The following OTOGL variants were observed in gnomAD, a reference collection of about 807,000 sequenced individuals.
OTOGL encodes otogelin like, also known as otogelin-like protein.
OTOGL carries 285 observed loss-of-function variants against 318.5 expected under a neutral mutation model. The ratio of observed to expected loss-of-function variants is 0.89; its 90% CI spans 0.81 to 0.99. The LOEUF (loss-of-function observed/expected upper bound fraction) is 0.99, where lower values mean the gene tolerates loss of function less well. Ranked by LOEUF, OTOGL falls within the 50% of genes least tolerant of loss-of-function variation. The pLI is 0.00. For synonymous variants in OTOGL, 987 were observed against 936.5 expected (o/e 1.05, Z -0.99); for missense variants, 2,899 against 2,845.6 (o/e 1.02, Z -0.43).
intron 44 of OTOGL, among the ~76,000 whole-genome samples, chr12:80,348,437 GT>G (rs1889338495): frequency 6.6e-6 from 1 of 152,066 alleles, no homozygotes; most frequent in Admixed American, 6.6e-5. Context: ...TTGTGATTGT[GT>G]GGCATTATTC....
At chr12:80,227,569 G>A (rs1285381095) in intron 7 of OTOGL, among the ~76,000 whole-genome samples, 1 of 152,160 alleles carries the variant, frequency 6.6e-6, no homozygotes, top group Non-Finnish European at 1.5e-5. Flanking sequence ...GTGAGAGTGA[G>A]CAAGGATCTG....
At chr12:80,157,139 A>C (rs1413490417) in intron 1 of OTOGL, among the ~76,000 whole-genome samples, 2 of 151,974 alleles carry the variant, frequency 1.3e-5, no homozygotes, top group Admixed American at 1.3e-4. Flanking sequence ...CATTTAATTG[A>C]GGTGAGGTGA....
intron 32 of OTOGL, among the ~76,000 whole-genome samples, chr12:80,316,003 ATAATT>A (rs57838864): frequency 0.14 from 22,012 of 152,076 alleles, 2,093 homozygotes; most frequent in African/African-American, 0.27. Context: ...TCTAGATCAT[ATAATT>A]TAAACTTCAA....
chr12:80,319,247 T>C (rs180862350), intron 33 of OTOGL, among the ~76,000 whole-genome samples: 160 of 152,254 alleles, frequency 1.1e-3, no homozygotes, highest in Middle Eastern at 0.01. Context: ...CACCTGCAGG[T>C]CTGTACTGGT....
intron 37 of OTOGL, among the ~76,000 whole-genome samples, chr12:80,329,327 C>T (rs1334162697): frequency 6.6e-6 from 1 of 152,164 alleles, no homozygotes; most frequent in Admixed American, 6.5e-5. Context: ...ATTCTTCTGC[C>T]TGAGACCCCC....
chr12:80,170,810 AG>A (rs1874158392), intron 1 of OTOGL, among the ~76,000 whole-genome samples: 1 of 152,128 alleles, frequency 6.6e-6, no homozygotes, highest in Non-Finnish European at 1.5e-5. Flanking sequence ...TTTTTCTCCC[AG>A]TCAAAAGCTT....
rs773366340 is a variant in OTOGL at position 80,370,588 on chromosome 12, T to G, written c.6634T>G (p.Tyr2212Asp). ...TTTTTAGGTAGGGAGTACCTGGCACTACAATTGCACCACATATGAATGTGT... is the reference window on the plus strand; with the variant it reads ...TTTTTAGGTAGGGAGTACCTGGCACGACAATTGCACCACATATGAATGTGT... ...VVYAVGSTWH[Y>D]NCTTYECVKT... Residue 2212 changes from tyrosine (Y) to aspartate (D), a missense_variant, in exon 56 of 59, where the codon TAC (tyrosine) becomes GAC (aspartate). Around this residue, in one of 3 missense-constraint regions of OTOGL, gnomAD observed 289 missense variants for 304.6 expected, o/e 0.95. Coordinates refer to ENST00000547103, the MANE Select transcript of OTOGL (RefSeq NM_001378609.3). 6 of 1,549,710 alleles carry G rather than the reference T, an allele frequency of 3.9e-6. No homozygotes were observed. The Admixed American group carries it at 9.9e-5, about 25-fold the overall frequency.
chr12:80,142,679 T>C (rs1477195533), intron 1 of OTOGL, among the ~76,000 whole-genome samples: 2 of 152,158 alleles, frequency 1.3e-5, no homozygotes, highest in East Asian at 3.9e-4. Flanking sequence ...CCCTTAACAC[T>C]GCCTGTGTCT....
At chr12:80,171,915 T>G (rs555645356) in intron 1 of OTOGL, among the ~76,000 whole-genome samples, 103 of 152,308 alleles carry the variant, frequency 6.8e-4, no homozygotes, top group Non-Finnish European at 1.0e-3. Context: ...GTTTTTCTGC[T>G]TGCTTTGGAT....
intron 55 of OTOGL, 60 bp downstream of exon 55, chr12:80,368,369 A>T: frequency 2.3e-6 from 3 of 1,307,428 alleles, no homozygotes; most frequent in Non-Finnish European, 3.2e-6. Context: ...TCTTGAGTCA[A>T]AGTTTGGAAA....
intron 1 of OTOGL, among the ~76,000 whole-genome samples, chr12:80,191,887 G>A (rs1218088628): frequency 1.3e-5 from 2 of 152,202 alleles, no homozygotes; most frequent in African/African-American, 4.8e-5. Flanking sequence ...TGGTGCATTA[G>A]ATGAGATTTA....
chr12:80,154,110 A>C (rs1298233217), intron 1 of OTOGL, among the ~76,000 whole-genome samples: 4 of 152,188 alleles, frequency 2.6e-5, no homozygotes, highest in Admixed American at 1.3e-4. Flanking sequence ...GGAGTTCAAG[A>C]CCAGCCTGGC....
chr12:80,209,465 C>T lies in OTOGL; in HGVS notation c.34C>T (p.Pro12Ser), dbSNP rs539100194. The change falls in exon 2 of 59, where the codon CCT becomes TCT. Residue 12 changes from proline to serine, a missense_variant. Transcript: ENST00000547103. ...TGTAAGAAAACTCAATTTAATGATA[C>T]CTTGGAGTATATTCTTGCTTCATGT... ...NIVRKLNLMI[P>S]WSIFLLHVLL... 3 of 1,514,068 alleles carry T rather than the reference C, an allele frequency of 2.0e-6. No individual in the cohort carries two copies. Among genetic ancestry groups the T allele is most frequent in the South Asian group, 1.2e-5 (1 of 80,958 alleles). The allele number at this position is 1,514,068 out of a possible 1,614,324, so 93.8% of individuals were successfully genotyped here.
At chr12:80,315,284 A>G (rs1250935710) in intron 32 of OTOGL, among the ~76,000 whole-genome samples, 1 of 152,218 alleles carries the variant, frequency 6.6e-6, no homozygotes, top group East Asian at 1.9e-4. Flanking sequence ...GGCAAAAGTC[A>G]TTCTTACATA....
Position 80,380,791 on chromosome 12 carries a change from A to G in OTOGL, c.*2743A>G, listed in dbSNP as rs1846184708. On this transcript the variant is annotated 3_prime_UTR_variant, in exon 59 of 59. Transcript: ENST00000547103. ...ATATGCCGTACAAACGCCTGTACAA[A>G]TACAAAGTGGTATTTGTGAAGGTTA... The G allele has an allele frequency of 6.6e-6, 1 of 152,142 alleles. No individual in the cohort carries two copies. Among genetic ancestry groups the G allele is most frequent in the Non-Finnish European group, 1.5e-5 (1 of 67,986 alleles). 9.4% of individuals were successfully genotyped at this position (152,142 alleles called of 1,614,324 possible). A position where few individuals can be genotyped will look rare whatever the true frequency, so the allele number is the denominator to read the frequency against.
chr12:80,307,947 G>C (rs1424906964), intron 29 of OTOGL, among the ~76,000 whole-genome samples: 2 of 138,498 alleles, frequency 1.4e-5, no homozygotes, highest in Non-Finnish European at 3.1e-5. Context: ...CTCCCGGACG[G>C]AGCGGCTGGC....
rs1592581784 is a variant in OTOGL, at chr12:80,232,948, T to C, written c.668T>C (p.Ile223Thr). The C allele has an allele frequency of 1.3e-6, 2 of 1,599,330 alleles. No individual in the cohort carries two copies. The highest frequency in any genetic ancestry group is 1.3e-5 in the African/African-American group (1 of 75,050). ...QIFIEKLADY[I>T]LVKTTFGFSL... ...TTCATTGAGAAACTAGCTGACTACATTCTTGTGAAAACAACCTTTGGCTTT... is the reference window on the plus strand; with the variant it reads ...TTCATTGAGAAACTAGCTGACTACACTCTTGTGAAAACAACCTTTGGCTTT... The change falls in exon 9 of 59, where the codon ATT becomes ACT. Residue 223 changes from isoleucine to threonine, a missense_variant. Ile to Thr is a moderately conservative substitution (Grantham distance 89, BLOSUM62 -1). Around this residue, in one of 3 missense-constraint regions of OTOGL, gnomAD observed 2,607 missense variants for 2,524.9 expected, o/e 1.03. Coordinates refer to ENST00000547103, the MANE Select transcript of OTOGL (RefSeq NM_001378609.3).
intron 32 of OTOGL, among the ~76,000 whole-genome samples, chr12:80,316,966 G>A (rs922844819): frequency 1.3e-5 from 2 of 152,080 alleles, no homozygotes; most frequent in Admixed American, 6.6e-5. Context: ...ACATAAATAA[G>A]TAATTGTGAT....
chr12:80,127,372 C>G (rs1055482783), intron 1 of OTOGL, among the ~76,000 whole-genome samples: 5 of 152,212 alleles, frequency 3.3e-5, no homozygotes, highest in African/African-American at 1.2e-4. Flanking sequence ...TATTGGCCCC[C>G]ACTCTCTTCT....
Sources: allele counts gnomAD v4.1 joint callset (sites outside exome capture counted in the v4.1 genomes callset), GRCh38; gene constraint gnomAD v4.1.1; regional missense constraint gnomAD v4.1.1; transcripts MANE v1.5; gene names NCBI Gene and HGNC (gene_info 2026-07-23, HGNC 2026-07-21).